The following CALN1 variants were observed in gnomAD, a reference collection of about 807,000 sequenced individuals.
CALN1 encodes the protein calneuron 1.
A neutral mutation model predicts 30.6 loss-of-function variants in CALN1; 17 were observed. The observed-to-expected ratio is 0.56, with a 90% confidence interval of 0.38 to 0.83. The LOEUF is 0.83. Ranked by LOEUF, CALN1 falls within the 40% of genes least tolerant of loss-of-function variation. CALN1 has a pLI of 0.00. For missense variants in CALN1, 291 were observed against 354.9 expected, an observed-to-expected ratio of 0.82 and a Z score of 1.45; for synonymous variants, 156 against 131.4, an observed-to-expected ratio of 1.19 and a Z score of -1.28.
At position 72,390,124 on chromosome 7, in the gene CALN1, G is replaced by A. The variant is rs138070605; in HGVS notation, c.119+13127C>T. On this transcript the variant is annotated intron_variant, in intron 2 of 6. Transcript: ENST00000395275. Reference sequence around the variant, plus strand: ...GGGAAGACCTGAAAAAAGAAGCACTGGCTCTAAGAAATAAGGGGGATTGGG... The same window carrying A: ...GGGAAGACCTGAAAAAAGAAGCACTAGCTCTAAGAAATAAGGGGGATTGGG... Among the ~76,000 whole-genome samples, 1,169 of 152,048 alleles carry A rather than the reference G, an allele frequency of 7.7e-3. 7 individuals carry two copies. Among genetic ancestry groups the A allele is most frequent in the Non-Finnish European group, 0.012 (796 of 68,014 alleles).
At chr7:71,849,177 G>T (rs1790494682) in intron 5 of CALN1, among the ~76,000 whole-genome samples, 1 of 152,086 alleles carries the variant, frequency 6.6e-6, no homozygotes, top group African/African-American at 2.4e-5. Flanking sequence ...TTTTATAAGT[G>T]CTGCTGGGTG....
chr7:72,333,768 G>T (rs1339169807), intron 2 of CALN1, among the ~76,000 whole-genome samples: 1 of 150,426 alleles, frequency 6.6e-6, no homozygotes, highest in Non-Finnish European at 1.5e-5. Flanking sequence ...ACGTGACAAA[G>T]AAAGGGTTTT....
intron 4 of CALN1, among the ~76,000 whole-genome samples, chr7:72,052,100 G>A (rs550472490): frequency 1.3e-5 from 2 of 152,296 alleles, no homozygotes; most frequent in East Asian, 3.9e-4. Flanking sequence ...CTATTCAGGA[G>A]ATGGTATGAT....
At chr7:72,300,149 G>A (rs1799155596) in intron 2 of CALN1, among the ~76,000 whole-genome samples, 1 of 152,080 alleles carries the variant, frequency 6.6e-6, no homozygotes, top group South Asian at 2.1e-4. Context: ...CAAAGTGCTG[G>A]GATTACAGGC....
intron 5 of CALN1, among the ~76,000 whole-genome samples, chr7:71,891,956 AT>A (rs149289005): frequency 0.23 from 33,171 of 146,430 alleles, 3,903 homozygotes; most frequent in African/African-American, 0.32. Flanking sequence ...AAATAAATAA[AT>A]AAAAAAAAAA....
intron 5 of CALN1, among the ~76,000 whole-genome samples, chr7:71,995,733 A>C (rs1463596666): frequency 6.6e-6 from 1 of 151,950 alleles, no homozygotes; most frequent in African/African-American, 2.4e-5. Context: ...TCTCACCAAA[A>C]TATAACACGA....
intron 5 of CALN1, among the ~76,000 whole-genome samples, chr7:71,884,501 A>G (rs956526391): frequency 6.6e-6 from 1 of 151,720 alleles, no homozygotes. Flanking sequence ...CCATGAGGTC[A>G]CCATATTCCA....
intron 3 of CALN1, among the ~76,000 whole-genome samples, chr7:72,168,617 A>C (rs7799436): frequency 6.6e-6 from 1 of 151,832 alleles, no homozygotes; most frequent in Non-Finnish European, 1.5e-5. Context: ...ACTGTAACTA[A>C]AAAAGTAAAA....
intron 4 of CALN1, among the ~76,000 whole-genome samples, chr7:72,087,206 A>G (rs138852481): frequency 6.6e-6 from 1 of 152,204 alleles, no homozygotes; most frequent in Non-Finnish European, 1.5e-5. Context: ...CCACTGAAAT[A>G]GGCCAGAAAT....
At chr7:72,294,794 A>G (rs1000281132) in intron 2 of CALN1, among the ~76,000 whole-genome samples, 3 of 151,960 alleles carry the variant, frequency 2.0e-5, no homozygotes, top group African/African-American at 7.2e-5. Flanking sequence ...AGATTTTTAA[A>G]AATGGTTGAA....
At chr7:72,480,959 T>G in the CALN1 span, among the ~76,000 whole-genome samples, 78 of 152,162 alleles carry the variant, frequency 5.1e-4, no homozygotes, top group African/African-American at 1.7e-3. Flanking sequence ...CTTACCTTTT[T>G]TTGTTGTTGT....
intron 2 of CALN1, among the ~76,000 whole-genome samples, chr7:72,338,525 G>GTGTGTGTGTGTGTGTGTCTGTCTTTC: frequency 4.9e-5 from 6 of 122,292 alleles, no homozygotes; most frequent in African/African-American, 1.9e-4. Context: ...GTGTGTGTGT[G>GTGTGTGTGTGTGTGTGTCTGTCTTTC]TGTCTCACCT....
At chr7:71,912,590 G>C (rs568758478) in intron 5 of CALN1, among the ~76,000 whole-genome samples, 1 of 152,100 alleles carries the variant, frequency 6.6e-6, no homozygotes, top group Non-Finnish European at 1.5e-5. Flanking sequence ...TTCCAGCTTT[G>C]GCTCTTTCTC....
chr7:72,011,305 G>C (rs1300560838), intron 5 of CALN1, among the ~76,000 whole-genome samples: 1 of 152,160 alleles, frequency 6.6e-6, no homozygotes, highest in Non-Finnish European at 1.5e-5. Flanking sequence ...GTCTGGCTGG[G>C]AGGAGGTCAG....
At chr7:71,912,167 A>G (rs1794457548) in intron 5 of CALN1, among the ~76,000 whole-genome samples, 1 of 152,106 alleles carries the variant, frequency 6.6e-6, no homozygotes, top group African/African-American at 2.4e-5. Flanking sequence ...TGGGATGAGA[A>G]GAGAAAGGCT....
At chr7:72,032,195 A>G (rs1584786199) in intron 4 of CALN1, among the ~76,000 whole-genome samples, 1 of 151,152 alleles carries the variant, frequency 6.6e-6, no homozygotes, top group South Asian at 2.1e-4. Flanking sequence ...AGTAGCTGGG[A>G]CTACAGGCGC....
chr7:71,809,061 G>A (rs1787784564), intron 6 of CALN1, among the ~76,000 whole-genome samples: 1 of 152,096 alleles, frequency 6.6e-6, no homozygotes, highest in Admixed American at 6.6e-5. Flanking sequence ...GCAACTTCAG[G>A]ACCACAGCTG....
chr7:72,018,581 C>T (rs1322195339), intron 5 of CALN1, among the ~76,000 whole-genome samples: 1 of 152,146 alleles, frequency 6.6e-6, no homozygotes, highest in Non-Finnish European at 1.5e-5. Context: ...GAGGGCTGAG[C>T]GTATGCCGGG....
At chr7:72,231,210 TG>T (rs1040372834) in intron 3 of CALN1, among the ~76,000 whole-genome samples, 1 of 152,216 alleles carries the variant, frequency 6.6e-6, no homozygotes, top group Admixed American at 6.5e-5. Flanking sequence ...GGTGGTTTGC[TG>T]CATCTATCAA....
Sources: allele counts gnomAD v4.1 joint callset (sites outside exome capture counted in the v4.1 genomes callset), GRCh38; gene constraint gnomAD v4.1.1; transcripts MANE v1.5; gene names NCBI Gene and HGNC (gene_info 2026-07-23, HGNC 2026-07-21).